The following CDH20 variants were observed in gnomAD, a reference collection of about 807,000 sequenced individuals.
The protein encoded by CDH20 is cadherin-20.
In CDH20, 29 loss-of-function variants were observed where a neutral mutation model predicts 74.2. That is an observed-to-expected ratio of 0.39 (90% CI 0.29 to 0.53). CDH20 has a LOEUF of 0.53. Among genes scored for constraint, CDH20 ranks in the 20% least tolerant of loss-of-function variants. The probability of loss-of-function intolerance (pLI) is 0.69; values close to 1 mark genes in which losing one functional copy is unlikely to be tolerated. For missense variants in CDH20, 988 were observed against 1,048.3 expected, an observed-to-expected ratio of 0.94 and a Z score of 0.79; for synonymous variants, 469 against 405.4, an observed-to-expected ratio of 1.16 and a Z score of -1.88.
At chr18:61,355,176 T>C (rs1323058018) in intron 1 of CDH20, among the ~76,000 whole-genome samples, 1 of 152,270 alleles carries the variant, frequency 6.6e-6, no homozygotes, top group Non-Finnish European at 1.5e-5. Context: ...TGTATTTATA[T>C]GATTATCATG....
At chr18:61,538,608 G>GTTT (rs1449356386) in intron 8 of CDH20, among the ~76,000 whole-genome samples, 714 of 36,316 alleles carry the variant, frequency 0.02, 110 homozygotes, top group Non-Finnish European at 0.031. Flanking sequence ...TTTTGTTTTT[G>GTTT]TTTTTGTTTT....
rs550862329 is a variant in CDH20 at position 61,353,821 on chromosome 18, C to A, written c.-153+19994C>A. 1.3e-5 allele frequency among the ~76,000 whole-genome samples: 2 copies of A among 152,214 alleles called. No individual in the cohort carries two copies. Among genetic ancestry groups the A allele is most frequent in the African/African-American group, 4.8e-5 (2 of 41,550 alleles). ...TTCCAGCCAGTCATGGTGGCTCATG[C>A]CTGTAATCCCAGCATTTTAGGAGGC... is the stretch of plus-strand genomic sequence containing the variant. On this transcript the variant is annotated intron_variant, in intron 1 of 11. Transcript: ENST00000262717. The surrounding 1 kb of genome is among the most constrained non-coding windows in gnomAD (Gnocchi z 4.6).
chr18:61,500,421 G>A lies in CDH20; in HGVS notation c.580G>A (p.Asp194Asn). 1 of 1,613,202 alleles carries A rather than the reference G, an allele frequency of 6.2e-7. No individual in the cohort carries two copies. Among genetic ancestry groups the A allele is most frequent in the South Asian group, 1.1e-5 (1 of 90,920 alleles). The change falls in exon 4 of 12, where the codon GAC becomes AAC. Residue 194 changes from aspartate (D) to asparagine (N), a missense_variant. Asp to Asn is a conservative substitution (Grantham distance 23, BLOSUM62 1). This residue lies in a region of CDH20 where 613 missense variants were observed against 755.2 expected (regional missense o/e 0.81). Coordinates refer to ENST00000262717, the MANE Select transcript of CDH20 (RefSeq NM_031891.4). The part of the protein sequence containing the change: ...VIQVTATDAD[D>N]PTYGNSARVV... The stretch of plus-strand genomic sequence containing the variant: ...CCAAGTGACAGCCACAGATGCAGAT[G>A]ACCCGACCTACGGCAACAGTGCCAG...
intron 1 of CDH20, among the ~76,000 whole-genome samples, chr18:61,450,981 C>T (rs2058345): frequency 1.3e-5 from 2 of 151,952 alleles, no homozygotes; most frequent in African/African-American, 2.4e-5. Flanking sequence ...ATTCTTAGAA[C>T]TTGCTGGCCC....
chr18:61,413,334 C>A (rs558937646), intron 1 of CDH20, among the ~76,000 whole-genome samples: 1 of 152,126 alleles, frequency 6.6e-6, no homozygotes, highest in Non-Finnish European at 1.5e-5. Context: ...GGAATGCAAT[C>A]ATTCTACAAA....
chr18:61,378,904 G>T (rs145826708), intron 1 of CDH20, among the ~76,000 whole-genome samples: 1 of 151,980 alleles, frequency 6.6e-6, no homozygotes, highest in African/African-American at 2.4e-5. Context: ...AGGGTTGTTT[G>T]CCAGGAATAG....
chr18:61,550,247 T>C lies in CDH20; in HGVS notation c.1900+18T>C, dbSNP rs1332097921. On this transcript the variant is annotated intron_variant, in intron 11 of 11. Transcript: ENST00000262717. Reference sequence around the variant, plus strand: ...CCTCTTAGGTGAGTAAGGGGCTGCTTTCCCTTCTGTGGAGTCCTGCCAGTG... The same window carrying C: ...CCTCTTAGGTGAGTAAGGGGCTGCTCTCCCTTCTGTGGAGTCCTGCCAGTG... 1 of 1,607,264 alleles carries C rather than the reference T, an allele frequency of 6.2e-7. No homozygotes were observed. The highest frequency in any genetic ancestry group is 8.5e-7 in the Non-Finnish European group (1 of 1,175,370).
At chr18:61,466,918 G>A (rs1234851712) in intron 1 of CDH20, among the ~76,000 whole-genome samples, 1 of 152,042 alleles carries the variant, frequency 6.6e-6, no homozygotes, top group East Asian at 1.9e-4. Flanking sequence ...AGGGCACAGC[G>A]CCCCAGCCAT....
chr18:61,435,283 A>G (rs893174416), intron 1 of CDH20, among the ~76,000 whole-genome samples: 1 of 152,096 alleles, frequency 6.6e-6, no homozygotes, highest in Non-Finnish European at 1.5e-5. Context: ...ACCACTATAT[A>G]CTACACACAG....
At chr18:61,381,948 T>C (rs1227994035) in intron 1 of CDH20, among the ~76,000 whole-genome samples, 1 of 152,190 alleles carries the variant, frequency 6.6e-6, no homozygotes, top group Non-Finnish European at 1.5e-5. Flanking sequence ...AAGCTGTCCT[T>C]GACCCTTCTG....
chr18:61,410,614 C>T (rs1912462887), intron 1 of CDH20, among the ~76,000 whole-genome samples: 1 of 152,108 alleles, frequency 6.6e-6, no homozygotes, highest in Admixed American at 6.5e-5. Flanking sequence ...AGAGATATGA[C>T]CTTTTGATAT....
intron 6 of CDH20, among the ~76,000 whole-genome samples, chr18:61,516,540 A>G (rs2144349330): frequency 6.6e-6 from 1 of 152,342 alleles, no homozygotes; most frequent in South Asian, 2.1e-4. Context: ...TCAATTTTTA[A>G]GGATATAATG....
intron 10 of CDH20, among the ~76,000 whole-genome samples, chr18:61,549,613 A>G (rs1289745502): frequency 1.3e-5 from 2 of 152,232 alleles, no homozygotes; most frequent in Non-Finnish European, 2.9e-5. Flanking sequence ...CTGAGCAGGA[A>G]CAAACAGTGA....
At chr18:61,523,966 C>T (rs969143942) in intron 6 of CDH20, among the ~76,000 whole-genome samples, 3 of 151,892 alleles carry the variant, frequency 2.0e-5, no homozygotes, top group East Asian at 3.9e-4. Context: ...ATGTAGATGA[C>T]GAGTTGATAG....
At chr18:61,344,451 G>A (rs1253636035) in intron 1 of CDH20, among the ~76,000 whole-genome samples, 1 of 152,160 alleles carries the variant, frequency 6.6e-6, no homozygotes, top group East Asian at 1.9e-4. Flanking sequence ...TAATACTACA[G>A]TATACCACCT....
chr18:61,499,605 A>G (rs1474860743), intron 3 of CDH20, 125 bp downstream of exon 3: 3 of 787,540 alleles, frequency 3.8e-6, no homozygotes, highest in Non-Finnish European at 5.7e-6. Flanking sequence ...GCATGAGAGG[A>G]GAAGCTCACC....
At chr18:61,465,297 TA>T (rs1425561138) in intron 1 of CDH20, among the ~76,000 whole-genome samples, 1 of 152,172 alleles carries the variant, frequency 6.6e-6, no homozygotes, top group Non-Finnish European at 1.5e-5. Context: ...CCAAATCTAT[TA>T]ACTCTAGTCA....
chr18:61,514,768 G>A (rs1780730540), intron 6 of CDH20, among the ~76,000 whole-genome samples: 1 of 152,036 alleles, frequency 6.6e-6, no homozygotes, highest in Admixed American at 6.6e-5. Flanking sequence ...CGTGTGAGGT[G>A]TCAGTGTGCC....
intron 1 of CDH20, chr18:61,404,959 C>G (rs879072479): frequency 1.4e-6 from 1 of 709,968 alleles, no homozygotes; most frequent in Non-Finnish European, 2.6e-6. Context: ...CCTCATGCTG[C>G]GCCCAGTTCA....
Sources: allele counts gnomAD v4.1 joint callset (sites outside exome capture counted in the v4.1 genomes callset), GRCh38; gene constraint gnomAD v4.1.1; regional missense constraint gnomAD v4.1.1; non-coding constraint Gnocchi (gnomAD v3.1); transcripts MANE v1.5; gene names NCBI Gene and HGNC (gene_info 2026-07-23, HGNC 2026-07-21).